KAT6A: variants seen among roughly 807,000 people sequenced by gnomAD.
KAT6A encodes the protein lysine acetyltransferase 6A.
A neutral mutation model predicts 198.4 loss-of-function variants in KAT6A; 9 were observed. The observed-to-expected ratio is 0.05, with a 90% CI of 0.03 to 0.08. The LOEUF (loss-of-function observed/expected upper bound fraction) is 0.08, where lower values mean the gene tolerates loss of function less well. Among genes scored for constraint, KAT6A ranks in the 10% least tolerant of loss-of-function variants. The pLI, the probability that KAT6A is intolerant of heterozygous loss-of-function variation, is 1.00. For missense variants in KAT6A, 2,077 were observed against 2,509.9 expected, an observed-to-expected ratio of 0.83 and a Z score of 3.69; for synonymous variants, 890 against 883.0, an observed-to-expected ratio of 1.01 and a Z score of -0.14.
At chr8:41,989,493 G>A (rs62510281) in intron 2 of KAT6A, among the ~76,000 whole-genome samples, 2 of 151,902 alleles carry the variant, frequency 1.3e-5, no homozygotes, top group African/African-American at 4.8e-5. Flanking sequence ...TGGGTGACAA[G>A]AGCAAGAGTC....
At chr8:42,001,738 T>A (rs1825503462) in intron 2 of KAT6A, among the ~76,000 whole-genome samples, 1 of 152,118 alleles carries the variant, frequency 6.6e-6, no homozygotes, top group African/African-American at 2.4e-5. Context: ...TCTGTACAGA[T>A]CTTGAGAAGA....
intron 9 of KAT6A, among the ~76,000 whole-genome samples, chr8:41,950,812 A>G (rs1822630652): frequency 6.6e-6 from 1 of 152,194 alleles, no homozygotes; most frequent in Non-Finnish European, 1.5e-5. Flanking sequence ...AGATTTAGTC[A>G]TATTTCATAA....
At chr8:42,013,956 A>G (rs913279933) in intron 2 of KAT6A, among the ~76,000 whole-genome samples, 2 of 152,202 alleles carry the variant, frequency 1.3e-5, no homozygotes, top group Non-Finnish European at 2.9e-5. Context: ...AAACCACTCA[A>G]GTCTGCCGCG....
intron 2 of KAT6A, among the ~76,000 whole-genome samples, chr8:42,002,931 G>A (rs1265887545): frequency 6.6e-6 from 1 of 152,082 alleles, no homozygotes; most frequent in Non-Finnish European, 1.5e-5. Flanking sequence ...GATCCATACT[G>A]CCAAAGTGAA....
At chr8:41,993,784 A>G (rs1825056464) in intron 2 of KAT6A, among the ~76,000 whole-genome samples, 2 of 152,222 alleles carry the variant, frequency 1.3e-5, no homozygotes, top group African/African-American at 4.8e-5. Context: ...TCAGTACACC[A>G]TGATTTGTTT....
intron 7 of KAT6A, 30 bp downstream of exon 7, chr8:41,976,978 T>C: frequency 6.6e-7 from 1 of 1,511,638 alleles, no homozygotes; most frequent in Non-Finnish European, 9.0e-7. Context: ...CAGAATACTA[T>C]TTGTTTCTAA....
intron 2 of KAT6A, among the ~76,000 whole-genome samples, chr8:42,011,769 G>A (rs765550503): frequency 6.6e-6 from 1 of 150,522 alleles, no homozygotes; most frequent in Non-Finnish European, 1.5e-5. Flanking sequence ...AAGAAACTCA[G>A]AACAAGTTTG....
chr8:41,970,405 G>A (rs767853814), intron 8 of KAT6A, among the ~76,000 whole-genome samples: 5 of 152,052 alleles, frequency 3.3e-5, no homozygotes, highest in African/African-American at 1.2e-4. Context: ...CTGTCTCCCC[G>A]AGCCTCAGCA....
intron 2 of KAT6A, among the ~76,000 whole-genome samples, chr8:42,013,377 G>A (rs973429136): frequency 4.6e-5 from 7 of 151,176 alleles, no homozygotes; most frequent in African/African-American, 7.3e-5. Context: ...TGTCTCAGCC[G>A]CGCATGCCAC....
intron 14 of KAT6A, chr8:41,942,433 A>G (rs1587721435): frequency 3.2e-6 from 1 of 309,660 alleles, no homozygotes; most frequent in Non-Finnish European, 6.1e-6. Flanking sequence ...GGCATGAAAC[A>G]CCACACCCAA....
chr8:41,939,750 T>G (rs1284784869), intron 15 of KAT6A, among the ~76,000 whole-genome samples: 1 of 152,134 alleles, frequency 6.6e-6, no homozygotes. Context: ...AAGAGGAACC[T>G]AAAGACACAT....
chr8:42,047,871 G>A (rs545210208), intron 2 of KAT6A, among the ~76,000 whole-genome samples: 15 of 152,112 alleles, frequency 9.9e-5, no homozygotes, highest in Middle Eastern at 3.4e-3. Flanking sequence ...GCTTAGTTGC[G>A]CCTATGGGTC....
chr8:42,041,063 C>T (rs1047850816), intron 2 of KAT6A, among the ~76,000 whole-genome samples: 12 of 151,902 alleles, frequency 7.9e-5, no homozygotes, highest in East Asian at 3.9e-4. Context: ...GGCATGGTGG[C>T]GCATGCCTGT....
Position 41,974,570 on chromosome 8 carries a change from C to T in KAT6A, c.1482+134G>A, listed in dbSNP as rs1357472255. 1.7e-5 allele frequency: 10 copies of T among 603,312 alleles called. 1 individual carries two copies. In the Middle Eastern group the frequency reaches 1.3e-3, roughly 77 times the overall value. The allele number at this position is 603,312 out of a possible 1,614,324, so 37.4% of individuals were successfully genotyped here. ...AGGAATATTATAAACAGCAGAACTA[C>T]ATATACACACAAACCACAACTATTC... On this transcript the variant is annotated intron_variant, in intron 8 of 16. Transcript: ENST00000265713.
intron 7 of KAT6A, 128 bp downstream of exon 7, chr8:41,976,880 A>T: frequency 1.2e-5 from 9 of 781,982 alleles, no homozygotes; most frequent in South Asian, 2.5e-5. Context: ...ATGTTTTTTC[A>T]ATGTGTTCTT....
chr8:41,968,564 T>C (rs1452428028), intron 8 of KAT6A, among the ~76,000 whole-genome samples: 2 of 152,228 alleles, frequency 1.3e-5, no homozygotes, highest in African/African-American at 4.8e-5. Flanking sequence ...GAAGTCAGTG[T>C]GGCGATTCCT....
chr8:41,946,954 A>G (rs1040225120), intron 11 of KAT6A, among the ~76,000 whole-genome samples: 7 of 152,222 alleles, frequency 4.6e-5, no homozygotes, highest in African/African-American at 1.7e-4. Context: ...CAGTACGCCA[A>G]TGCCTAAGGA....
intron 2 of KAT6A, among the ~76,000 whole-genome samples, chr8:41,988,821 G>C (rs1824759380): frequency 6.6e-6 from 1 of 152,172 alleles, no homozygotes; most frequent in Non-Finnish European, 1.5e-5. Flanking sequence ...TTTTAAATGT[G>C]TTTAGTTGGA....
intron 2 of KAT6A, among the ~76,000 whole-genome samples, chr8:42,023,039 G>A (rs778698479): frequency 3.3e-5 from 5 of 152,118 alleles, no homozygotes; most frequent in Non-Finnish European, 7.4e-5. Context: ...TATGGTATAG[G>A]CTACAGCTCC....
Sources: gnomAD v4.1 joint callset for allele counts (sites outside exome capture counted in the v4.1 genomes callset) on GRCh38, gnomAD v4.1.1 for gene constraint, MANE v1.5 for transcripts, NCBI Gene and HGNC (gene_info 2026-07-23, HGNC 2026-07-21) for gene names.